The following BTBD9 variants were observed in gnomAD, a reference collection of about 807,000 sequenced individuals.
BTBD9 encodes BTB domain containing 9, also known as BTB/POZ domain-containing protein 9.
In BTBD9, 49 loss-of-function variants were observed where a neutral mutation model predicts 64.3. The observed-to-expected ratio is 0.76, with a 90% CI of 0.61 to 0.97. The LOEUF is 0.97. Among genes scored for constraint, BTBD9 ranks in the 50% least tolerant of loss-of-function variants. The pLI, the probability that BTBD9 is intolerant of heterozygous loss-of-function variation, is 0.00. For synonymous variants in BTBD9, 260 were observed against 274.7 expected, an observed-to-expected ratio of 0.95 and a Z score of 0.53; for missense variants, 598 against 762.1, an observed-to-expected ratio of 0.78 and a Z score of 2.53.
At chr6:38,517,260 T>C (rs558389103) in intron 6 of BTBD9, among the ~76,000 whole-genome samples, 23 of 152,304 alleles carry the variant, frequency 1.5e-4, no homozygotes, top group African/African-American at 5.1e-4. Flanking sequence ...CTTTAGAGCT[T>C]TGGATAACAA....
chr6:38,501,163 A>G (rs1337291306), intron 6 of BTBD9, among the ~76,000 whole-genome samples: 2 of 152,184 alleles, frequency 1.3e-5, no homozygotes, highest in African/African-American at 2.4e-5. Context: ...ATGAGCCTTC[A>G]CATTGAAGAA....
intron 1 of BTBD9, among the ~76,000 whole-genome samples, chr6:38,615,785 T>G (rs753689472): frequency 6.6e-6 from 1 of 152,202 alleles, no homozygotes; most frequent in African/African-American, 2.4e-5. Context: ...GTACCTGGCA[T>G]AGAGGTACTC....
intron 1 of BTBD9, among the ~76,000 whole-genome samples, chr6:38,605,285 G>A (rs1777393924): frequency 6.6e-6 from 1 of 152,060 alleles, no homozygotes; most frequent in Admixed American, 6.6e-5. Flanking sequence ...GACCTCAGGT[G>A]ATCTGCCTAC....
chr6:38,189,194 G>A (rs761169215), intron 10 of BTBD9, among the ~76,000 whole-genome samples: 2 of 152,100 alleles, frequency 1.3e-5, no homozygotes, highest in Non-Finnish European at 2.9e-5. Flanking sequence ...CCAGCCTCCT[G>A]TCCTATGCTG....
chr6:38,377,700 G>A (rs1765748321), intron 6 of BTBD9, among the ~76,000 whole-genome samples: 1 of 151,860 alleles, frequency 6.6e-6, no homozygotes. Flanking sequence ...TATTTGAGAA[G>A]GTTATTTTTT....
intron 8 of BTBD9, among the ~76,000 whole-genome samples, chr6:38,278,691 C>T (rs910045309): frequency 9.9e-5 from 15 of 152,194 alleles, no homozygotes; most frequent in Non-Finnish European, 1.9e-4. Context: ...TCCAGAACCA[C>T]TGTAAGACAT....
chr6:38,602,135 G>A (rs1057110461), intron 1 of BTBD9, among the ~76,000 whole-genome samples: 1 of 152,076 alleles, frequency 6.6e-6, no homozygotes, highest in Non-Finnish European at 1.5e-5. Flanking sequence ...GTAAGTCTAG[G>A]AGCATCATTT....
intron 9 of BTBD9, among the ~76,000 whole-genome samples, chr6:38,212,392 G>A (rs1425446122): frequency 2.0e-5 from 3 of 152,210 alleles, no homozygotes; most frequent in Non-Finnish European, 4.4e-5. Flanking sequence ...TGGGGGACAG[G>A]AAGGTTGAGA....
intron 6 of BTBD9, among the ~76,000 whole-genome samples, chr6:38,531,134 C>CAGA (rs1773781888): frequency 6.6e-6 from 1 of 152,082 alleles, no homozygotes; most frequent in Admixed American, 6.5e-5. Flanking sequence ...GAACACCAAG[C>CAGA]AGATTCAACC....
At chr6:38,282,734 T>C (rs1330689678) in intron 8 of BTBD9, among the ~76,000 whole-genome samples, 1 of 152,156 alleles carries the variant, frequency 6.6e-6, no homozygotes, top group East Asian at 1.9e-4. Flanking sequence ...GCACTGCCGG[T>C]GATGCTCATC....
intron 6 of BTBD9, among the ~76,000 whole-genome samples, chr6:38,558,786 C>T (rs562173574): frequency 5.9e-5 from 9 of 152,250 alleles, no homozygotes; most frequent in African/African-American, 2.2e-4. Flanking sequence ...ATTTGGTTTG[C>T]TAGAATTTTG....
chr6:38,506,505 C>T (rs1382330992), intron 6 of BTBD9, among the ~76,000 whole-genome samples: 1 of 152,220 alleles, frequency 6.6e-6, no homozygotes, highest in Non-Finnish European at 1.5e-5. Context: ...AATATTATAT[C>T]ACATATCACT....
At chr6:38,430,150 C>T (rs1438331691) in intron 6 of BTBD9, among the ~76,000 whole-genome samples, 1 of 151,934 alleles carries the variant, frequency 6.6e-6, no homozygotes, top group Non-Finnish European at 1.5e-5. Flanking sequence ...GATGATTTTT[C>T]CTAGGTAGGT....
intron 1 of BTBD9, among the ~76,000 whole-genome samples, chr6:38,633,849 G>A (rs1778441593): frequency 6.6e-6 from 1 of 151,224 alleles, no homozygotes; most frequent in Non-Finnish European, 1.5e-5. Flanking sequence ...ACTCGTCATG[G>A]CCCCTTGAAT....
At chr6:38,376,557 A>C (rs1765702499) in intron 6 of BTBD9, among the ~76,000 whole-genome samples, 1 of 152,178 alleles carries the variant, frequency 6.6e-6, no homozygotes, top group Non-Finnish European at 1.5e-5. Flanking sequence ...ACAAAATGAA[A>C]ACTGTAATAA....
At chr6:38,335,570 T>G (rs1472573575) in intron 7 of BTBD9, among the ~76,000 whole-genome samples, 1 of 151,530 alleles carries the variant, frequency 6.6e-6, no homozygotes. Flanking sequence ...AGTTCTTTTT[T>G]TTTTAGTTTT....
intron 9 of BTBD9, among the ~76,000 whole-genome samples, chr6:38,243,596 G>C (rs1305482247): frequency 6.6e-6 from 1 of 152,172 alleles, no homozygotes; most frequent in Non-Finnish European, 1.5e-5. Flanking sequence ...AAAGGATATA[G>C]CACCTGAATG....
chr6:38,633,031 A>T (rs189323114), intron 1 of BTBD9, among the ~76,000 whole-genome samples: 1 of 152,340 alleles, frequency 6.6e-6, no homozygotes, highest in East Asian at 1.9e-4. Context: ...CAAATACAGC[A>T]CGTCTTCATA....
At chr6:38,368,976 C>T (rs547685752) in intron 6 of BTBD9, among the ~76,000 whole-genome samples, 3 of 152,318 alleles carry the variant, frequency 2.0e-5, no homozygotes, top group East Asian at 3.9e-4. Context: ...CTGAATTCAT[C>T]GTCTTCTACT....
Sources: gnomAD v4.1 joint callset for allele counts (sites outside exome capture counted in the v4.1 genomes callset) on GRCh38, gnomAD v4.1.1 for gene constraint, MANE v1.5 for transcripts, NCBI Gene and HGNC (gene_info 2026-07-23, HGNC 2026-07-21) for gene names.